USH2A: variants seen among roughly 807,000 people sequenced by gnomAD.
USH2A encodes the protein usherin.
Under a neutral mutation model 538.9 loss-of-function variants are expected in USH2A, and 443 were observed. That is an observed-to-expected ratio of 0.82 (90% confidence interval 0.76 to 0.89). USH2A has a LOEUF of 0.89. Ranked by LOEUF, USH2A falls within the 40% of genes least tolerant of loss-of-function variation. The pLI, the probability that USH2A is intolerant of heterozygous loss-of-function variation, is 0.00. For synonymous variants in USH2A, 2,413 were observed against 2,273.5 expected (o/e 1.06, Z -1.75); for missense variants, 6,633 against 6,324.8 (o/e 1.05, Z -1.65).
At chr1:216,074,827 G>T (rs1170348038) in intron 27 of USH2A, among the ~76,000 whole-genome samples, 2 of 152,132 alleles carry the variant, frequency 1.3e-5, no homozygotes, top group African/African-American at 4.8e-5. Context: ...CAGTGAAAGG[G>T]CAGCTTGGCA....
intron 49 of USH2A, among the ~76,000 whole-genome samples, chr1:215,799,422 C>CT (rs149209773): frequency 0.017 from 2,540 of 152,210 alleles, 68 homozygotes; most frequent in African/African-American, 0.058. Context: ...TCTAGGAATA[C>CT]TTTTTTGTTC....
chr1:216,329,701 A>G (rs944690697), intron 4 of USH2A, among the ~76,000 whole-genome samples: 3 of 151,554 alleles, frequency 2.0e-5, no homozygotes, highest in Non-Finnish European at 4.4e-5. Flanking sequence ...TCTGCTTCCA[A>G]TTTTTCTGCC....
Position 215,650,634 on chromosome 1 carries a change from G to C in USH2A, c.14301C>G (p.Leu4767=). The C allele has an allele frequency of 6.2e-7, 1 of 1,614,204 alleles. No individual in the cohort carries two copies. Reference sequence around the variant, plus strand: ...GGGCGCTGCTGGAGAACAGCCTGTAGAGACTGACGATCCCGTTGGGCTTCC... The same window carrying C: ...GGGCGCTGCTGGAGAACAGCCTGTACAGACTGACGATCCCGTTGGGCTTCC... ...APGKPNGIVS[L]YRLFSSSAHG... is the part of the protein sequence containing the mutation. The change falls in exon 65 of 72, where the codon CTC becomes CTG. Residue 4767 remains leucine, a synonymous_variant. Coordinates refer to ENST00000307340, the MANE Select transcript of USH2A (RefSeq NM_206933.4).
At chr1:215,836,550 T>TAC (rs1553267781) in intron 47 of USH2A, among the ~76,000 whole-genome samples, 1 of 18,368 alleles carries the variant, frequency 5.4e-5, no homozygotes, top group South Asian at 1.8e-3. Flanking sequence ...ATAATATATA[T>TAC]ATATATATAT....
chr1:216,321,102 A>G (rs1439986363), intron 9 of USH2A, among the ~76,000 whole-genome samples: 2 of 152,102 alleles, frequency 1.3e-5, no homozygotes, highest in Non-Finnish European at 2.9e-5. Flanking sequence ...TTGTACATAC[A>G]ATCAGTAGAG....
intron 61 of USH2A, among the ~76,000 whole-genome samples, chr1:215,691,843 G>A (rs1346153874): frequency 1.3e-5 from 2 of 152,238 alleles, no homozygotes; most frequent in African/African-American, 2.4e-5. Context: ...GTGAAGAAGC[G>A]AATGTAGAGT....
intron 21 of USH2A, among the ~76,000 whole-genome samples, chr1:216,105,042 A>G (rs1244094575): frequency 1.3e-5 from 2 of 152,220 alleles, no homozygotes; most frequent in Non-Finnish European, 2.9e-5. Context: ...TTATGCAGCC[A>G]ACAGACACAT....
At chr1:216,347,933 T>C (rs972312755) in intron 4 of USH2A, among the ~76,000 whole-genome samples, 1 of 152,080 alleles carries the variant, frequency 6.6e-6, no homozygotes, top group Non-Finnish European at 1.5e-5. Context: ...AGCTGAAATG[T>C]TCATGAATAT....
At position 216,084,643 on chromosome 1, in the gene USH2A, C is replaced by T. The variant is rs148728605; in HGVS notation, c.5167+55G>A. On this transcript the variant is annotated intron_variant, in intron 25 of 71. Transcript: ENST00000307340. The stretch of plus-strand genomic sequence containing the variant: ...ATCAAACAGGAGAGATTAAATTATA[C>T]AAAGGATAGAACATAGATTTTAAGT... The T allele has an allele frequency of 2.0e-4, 310 of 1,587,132 alleles. No homozygotes were observed. The African/African-American group carries it at 3.7e-3, about 19-fold the overall frequency.
intron 3 of USH2A, among the ~76,000 whole-genome samples, chr1:216,417,159 C>A (rs1156242138): frequency 1.3e-5 from 2 of 151,872 alleles, no homozygotes; most frequent in African/African-American, 4.8e-5. Context: ...AACTCTGACC[C>A]CTGCCAATCA....
intron 11 of USH2A, among the ~76,000 whole-genome samples, chr1:216,255,625 A>C (rs1331770709): frequency 2.0e-5 from 3 of 152,142 alleles, no homozygotes; most frequent in African/African-American, 7.2e-5. Flanking sequence ...AAATCTATTG[A>C]GGCTTGTGTT....
chr1:216,016,331 T>G (rs1485085363), intron 32 of USH2A, among the ~76,000 whole-genome samples: 2 of 152,010 alleles, frequency 1.3e-5, no homozygotes. Flanking sequence ...ACCCTAGAAC[T>G]TAAAGTAAAA....
In USH2A at chr1:216,123,977, G is replaced by C. The variant is rs1292548855; in HGVS notation, c.4628-26764C>G. ...TAATGACTCTACAGCTATAAACCAG[G>C]CTTGACTATGTTCTATAAAGAAGAT... On this transcript the variant is annotated intron_variant, in intron 21 of 71. Transcript: ENST00000307340. 3.9e-5 allele frequency among the ~76,000 whole-genome samples: 6 copies of C among 152,000 alleles called. No homozygotes were observed. In the East Asian group the frequency reaches 1.2e-3, roughly 29 times the overall value.
intron 21 of USH2A, among the ~76,000 whole-genome samples, chr1:216,102,801 AAAAC>A (rs111682237): frequency 6.6e-6 from 1 of 152,074 alleles, no homozygotes; most frequent in Non-Finnish European, 1.5e-5. Context: ...TTCCGTCTCA[AAAAC>A]AAACAAAAAA....
intron 43 of USH2A, 97 bp downstream of exon 43, chr1:215,877,661 A>G: frequency 6.4e-7 from 1 of 1,560,518 alleles, no homozygotes; most frequent in South Asian, 1.1e-5. Context: ...ATAACTGATA[A>G]CACGCTCACA....
chr1:216,048,480 A>G (rs2030615612), intron 31 of USH2A, 54 bp downstream of exon 31: 2 of 1,547,902 alleles, frequency 1.3e-6, no homozygotes, highest in African/African-American at 1.4e-5. Context: ...CTCTTCTCCT[A>G]TTTTATTATT....
chr1:215,776,444 C>T (rs1054009173), intron 55 of USH2A, among the ~76,000 whole-genome samples: 1 of 152,158 alleles, frequency 6.6e-6, no homozygotes, highest in Non-Finnish European at 1.5e-5. Flanking sequence ...GCATTCGCCA[C>T]TATTCCCACA....
intron 50 of USH2A, among the ~76,000 whole-genome samples, chr1:215,791,911 A>G (rs1661994768): frequency 6.6e-6 from 1 of 152,194 alleles, no homozygotes; most frequent in African/African-American, 2.4e-5. Flanking sequence ...CACATAAACT[A>G]AAAAGAAAAA....
At chr1:215,792,660 G>A (rs1662013029) in intron 50 of USH2A, among the ~76,000 whole-genome samples, 1 of 152,150 alleles carries the variant, frequency 6.6e-6, no homozygotes, top group Admixed American at 6.5e-5. Context: ...GCAGAGTTTG[G>A]TAGTAATTCC....
Sources: gnomAD v4.1 joint callset for allele counts (sites outside exome capture counted in the v4.1 genomes callset) on GRCh38, gnomAD v4.1.1 for gene constraint, MANE v1.5 for transcripts, NCBI Gene and HGNC (gene_info 2026-07-23, HGNC 2026-07-21) for gene names.